Variants in ZNF407 observed in about 807,000 individuals in gnomAD.
The protein encoded by ZNF407 is zinc finger protein 407.
Under a neutral mutation model 131.2 loss-of-function variants are expected in ZNF407, and 17 were observed. The ratio of observed to expected loss-of-function variants is 0.13; its 90% CI spans 0.09 to 0.19. The LOEUF (loss-of-function observed/expected upper bound fraction) is 0.19, where lower values mean the gene tolerates loss of function less well. ZNF407 is among the 10% of genes least tolerant of loss of function. The pLI is 1.00. For missense variants in ZNF407, 2,681 were observed against 2,830.6 expected (o/e 0.95, Z 1.20); for synonymous variants, 1,156 against 1,062.0 (o/e 1.09, Z -1.72).
chr18:74,699,849 T>C (rs757557955), intron 3 of ZNF407, among the ~76,000 whole-genome samples: 17 of 152,228 alleles, frequency 1.1e-4, no homozygotes, highest in Non-Finnish European at 1.9e-4. Context: ...GTAATACTTA[T>C]TTTATTGAAA....
At chr18:74,894,451 G>A (rs899359026) in intron 7 of ZNF407, among the ~76,000 whole-genome samples, 1 of 151,948 alleles carries the variant, frequency 6.6e-6, no homozygotes, top group Admixed American at 6.5e-5. Context: ...AAAAAAATTA[G>A]TGTGTTATAG....
At chr18:74,685,751 C>T (rs1325317896) in intron 3 of ZNF407, among the ~76,000 whole-genome samples, 2 of 152,146 alleles carry the variant, frequency 1.3e-5, no homozygotes, top group East Asian at 1.9e-4. Flanking sequence ...GTGGCTAATT[C>T]TTCCCCTCCT....
chr18:75,012,436 G>T (rs1487324663), intron 8 of ZNF407, among the ~76,000 whole-genome samples: 1 of 151,616 alleles, frequency 6.6e-6, no homozygotes, highest in African/African-American at 2.4e-5. Flanking sequence ...GGCTCTGGGG[G>T]TATCTACAGT....
At chr18:74,929,313 T>A (rs1156977429) in intron 8 of ZNF407, among the ~76,000 whole-genome samples, 1 of 152,078 alleles carries the variant, frequency 6.6e-6, no homozygotes. Context: ...TCTTACCTCA[T>A]GGCAGGCAGC....
chr18:74,757,822 G>A (rs1599129256), intron 3 of ZNF407, among the ~76,000 whole-genome samples: 1 of 152,016 alleles, frequency 6.6e-6, no homozygotes, highest in South Asian at 2.1e-4. Context: ...TTTGTTATTA[G>A]TACGTTTGTG....
At chr18:74,839,773 C>A (rs1444928304) in intron 4 of ZNF407, among the ~76,000 whole-genome samples, 5 of 151,884 alleles carry the variant, frequency 3.3e-5, no homozygotes, top group African/African-American at 7.3e-5. Flanking sequence ...TGAAAGAGCA[C>A]ATTTATGAAG....
chr18:75,062,621 T>A (rs1973650630), intron 8 of ZNF407: 1 of 152,308 alleles, frequency 6.6e-6, no homozygotes, highest in Non-Finnish European at 1.5e-5. Flanking sequence ...ATTAAACTTT[T>A]ACAGCGGTGT....
In ZNF407 at chr18:74,911,346, T is replaced by C. The variant is rs796965678; in HGVS notation, c.5250-9168T>C. ...CTTATTTTATAGAGCCATTTAACCA[T>C]CACTCTCAAAGAGTTCTCAAAAAAA... On this transcript the variant is annotated intron_variant, in intron 7 of 8. Transcript: ENST00000299687. 5.3e-5 allele frequency among the ~76,000 whole-genome samples: 8 copies of C among 152,362 alleles called. 1 individual carries two copies. Among genetic ancestry groups the C allele is most frequent in the African/African-American group, 1.9e-4 (8 of 41,592 alleles).
chr18:74,920,221 C>T (rs1203627530), intron 7 of ZNF407, among the ~76,000 whole-genome samples: 1 of 152,164 alleles, frequency 6.6e-6, no homozygotes, highest in Non-Finnish European at 1.5e-5. Flanking sequence ...AACACCTTCA[C>T]TGCCCTCGAG....
intron 3 of ZNF407, among the ~76,000 whole-genome samples, chr18:74,753,076 G>C (rs1241213498): frequency 6.6e-6 from 1 of 152,124 alleles, no homozygotes; most frequent in Admixed American, 6.6e-5. Flanking sequence ...ATTTCTCCTT[G>C]AAGAGGTCCT....
At chr18:74,767,613 A>G (rs1405882167) in intron 3 of ZNF407, among the ~76,000 whole-genome samples, 1 of 150,912 alleles carries the variant, frequency 6.6e-6, no homozygotes, top group African/African-American at 2.4e-5. Flanking sequence ...TTCCTGCTAA[A>G]TATGTTCAGA....
chr18:74,929,766 T>A (rs1307902550), intron 8 of ZNF407, among the ~76,000 whole-genome samples: 2 of 152,230 alleles, frequency 1.3e-5, no homozygotes, highest in Non-Finnish European at 2.9e-5. Flanking sequence ...GAAATTTAGA[T>A]ACATTGTTTC....
intron 8 of ZNF407, among the ~76,000 whole-genome samples, chr18:75,042,136 A>G (rs570159575): frequency 3.3e-5 from 5 of 150,360 alleles, no homozygotes; most frequent in Non-Finnish European, 7.4e-5. Flanking sequence ...CCTGGGCTCC[A>G]GTGGTCCTCC....
At chr18:74,791,617 G>C (rs1356160057) in intron 4 of ZNF407, among the ~76,000 whole-genome samples, 1 of 152,132 alleles carries the variant, frequency 6.6e-6, no homozygotes, top group Non-Finnish European at 1.5e-5. Flanking sequence ...TTCTAGGCCA[G>C]GGTCAGTGTG....
intron 8 of ZNF407, among the ~76,000 whole-genome samples, chr18:75,020,413 A>C (rs1973096081): frequency 6.6e-6 from 1 of 152,126 alleles, no homozygotes; most frequent in African/African-American, 2.4e-5. Flanking sequence ...TGTTCCCTGC[A>C]CATAAGGGCA....
chr18:75,004,973 G>A (rs1439256601), intron 8 of ZNF407, among the ~76,000 whole-genome samples: 1 of 152,154 alleles, frequency 6.6e-6, no homozygotes, highest in Non-Finnish European at 1.5e-5. Flanking sequence ...ATTGATAGCA[G>A]CAGAGATATT....
intron 3 of ZNF407, among the ~76,000 whole-genome samples, chr18:74,669,997 G>C (rs962063644): frequency 6.6e-6 from 1 of 152,152 alleles, no homozygotes; most frequent in Non-Finnish European, 1.5e-5. Flanking sequence ...ATAGCTTCAG[G>C]CTTAGTGGGA....
chr18:74,779,107 A>ATTTTTTT (rs1164567395), intron 3 of ZNF407, among the ~76,000 whole-genome samples: 1 of 23,554 alleles, frequency 4.2e-5, no homozygotes, highest in African/African-American at 1.1e-4. Flanking sequence ...ATATATATAT[A>ATTTTTTT]TATTTTTTTT....
At chr18:75,017,774 G>A (rs1267038701) in intron 8 of ZNF407, among the ~76,000 whole-genome samples, 1 of 151,954 alleles carries the variant, frequency 6.6e-6, no homozygotes, top group Non-Finnish European at 1.5e-5. Flanking sequence ...CTCCTGCTTC[G>A]ACCTTGTGCT....
Sources: gnomAD v4.1 joint callset for allele counts (sites outside exome capture counted in the v4.1 genomes callset) on GRCh38, gnomAD v4.1.1 for gene constraint, MANE v1.5 for transcripts, NCBI Gene and HGNC (gene_info 2026-07-23, HGNC 2026-07-21) for gene names.